ZNF503: variants seen among roughly 807,000 people sequenced by gnomAD.
ZNF503 encodes zinc finger protein 503, also known as NocA-like zinc finger 2.
In ZNF503, 15 loss-of-function variants were observed where a neutral mutation model predicts 34.4. That is an observed-to-expected ratio of 0.44 (90% CI 0.29 to 0.67). The LOEUF (loss-of-function observed/expected upper bound fraction) is 0.67. Ranked by LOEUF, ZNF503 falls within the 30% of genes least tolerant of loss-of-function variation. The probability of loss-of-function intolerance (pLI) is 0.13; values close to 1 mark genes in which losing one functional copy is unlikely to be tolerated. For synonymous variants in ZNF503, 580 were observed against 456.8 expected (o/e 1.27, Z -3.44); for missense variants, 1,007 against 926.8 (o/e 1.09, Z -1.12).
At chr10:75,283,308 T>G in the ZNF503 span, 5 of 152,374 alleles carry the variant, frequency 3.3e-5, no homozygotes, top group African/African-American at 1.2e-4. Flanking sequence ...GGCTCTGTCC[T>G]GCCTGGCCCC....
the ZNF503 span, among the ~76,000 whole-genome samples, chr10:75,293,035 A>T: frequency 1.3e-5 from 2 of 152,194 alleles, no homozygotes; most frequent in African/African-American, 2.4e-5. Context: ...GGTTGCAGGG[A>T]TAGGTGTTAA....
chr10:75,375,869 G>C, the ZNF503 span, among the ~76,000 whole-genome samples: 2 of 152,318 alleles, frequency 1.3e-5, no homozygotes, highest in African/African-American at 2.4e-5. Flanking sequence ...TTGGGAAACA[G>C]TGGCATAACC....
At chr10:75,295,892 A>G in the ZNF503 span, among the ~76,000 whole-genome samples, 1 of 152,134 alleles carries the variant, frequency 6.6e-6, no homozygotes, top group South Asian at 2.1e-4. This position sits in a 1 kb window ranked among gnomAD's most constrained non-coding sequence, Gnocchi z 4.0. Context: ...GGAGAGAGAG[A>G]GACAAAGTCA....
chr10:75,349,662 G>A, the ZNF503 span, among the ~76,000 whole-genome samples: 1 of 152,156 alleles, frequency 6.6e-6, no homozygotes, highest in Non-Finnish European at 1.5e-5. Flanking sequence ...CATTGCAGCC[G>A]ACTACTGTAG....
chr10:75,282,180 A>C, the ZNF503 span, among the ~76,000 whole-genome samples: 1 of 152,230 alleles, frequency 6.6e-6, no homozygotes, highest in African/African-American at 2.4e-5. Context: ...TAAACAAGTC[A>C]TGACAACTCA....
At chr10:75,332,837 T>C in the ZNF503 span, among the ~76,000 whole-genome samples, 1 of 144,442 alleles carries the variant, frequency 6.9e-6, no homozygotes, top group Non-Finnish European at 1.5e-5. Flanking sequence ...GAATTTTTCT[T>C]AGTGCAGAAC....
Position 75,398,502 on chromosome 10 carries a change from G to T in ZNF503, c.*247C>A. On this transcript the variant is annotated 3_prime_UTR_variant, in exon 2 of 2. Coordinates refer to ENST00000372524, the MANE Select transcript of ZNF503 (RefSeq NM_032772.6). ...TTTTTCCTTTTTTTTTCTATAAAAA[G>T]TCAAATGATATTTTTTCAACTTTTA... 2.6e-6 allele frequency: 1 copy of T among 386,134 alleles called. No individual in the cohort carries two copies. 23.9% of individuals were successfully genotyped at this position (386,134 alleles called of 1,614,324 possible).
the ZNF503 span, among the ~76,000 whole-genome samples, chr10:75,384,991 C>T: frequency 6.6e-6 from 1 of 152,204 alleles, no homozygotes; most frequent in Non-Finnish European, 1.5e-5. Context: ...ATGCTATCCT[C>T]CCAGTTCTCT....
the ZNF503 span, chr10:75,358,788 C>T: frequency 2.6e-5 from 4 of 152,180 alleles, no homozygotes; most frequent in African/African-American, 9.7e-5. Flanking sequence ...AGGATGACTC[C>T]AATGGCGCAT....
the ZNF503 span, among the ~76,000 whole-genome samples, chr10:75,320,373 C>T: frequency 2.5e-4 from 38 of 152,116 alleles, no homozygotes; most frequent in African/African-American, 8.7e-4. Flanking sequence ...TCCAGCTACT[C>T]AGGAGGCTGA....
chr10:75,395,757 G>T (rs151111010), downstream of ZNF503, among the ~76,000 whole-genome samples: 1 of 152,232 alleles, frequency 6.6e-6, no homozygotes, highest in African/African-American at 2.4e-5. This position sits in a 1 kb window ranked among gnomAD's most constrained non-coding sequence, Gnocchi z 4.4. Context: ...CCCCAGCGCC[G>T]GAACGCTGCT....
In ZNF503 at chr10:75,398,829, C is replaced by T; in HGVS notation, c.1861G>A (p.Ala621Thr). 1 of 1,498,728 alleles carries T rather than the reference C, an allele frequency of 6.7e-7. No individual in the cohort carries two copies. Among genetic ancestry groups the T allele is most frequent in the African/African-American group, 1.4e-5 (1 of 71,066 alleles). The allele number at this position is 1,498,728 out of a possible 1,614,324, so 92.8% of individuals were successfully genotyped here. A position where few individuals can be genotyped will look rare whatever the true frequency, so the allele number is the denominator to read the frequency against. The change falls in exon 2 of 2, where the codon GCC (alanine) becomes ACC (threonine). Residue 621 changes from alanine (A) to threonine (T), a missense_variant. Ala to Thr is a moderately conservative substitution (Grantham distance 58). Transcript: ENST00000372524. ...GGGGAGTAGTACGGTCCGGTGGCGG[C>T]GGGCACCGGCACGGGGGCGCCAGGC... ...PTPGAPVPVP[A>T]ATGPYYSPYA...
chr10:75,364,270 C>G, the ZNF503 span, among the ~76,000 whole-genome samples: 1 of 152,180 alleles, frequency 6.6e-6, no homozygotes, highest in African/African-American at 2.4e-5. Context: ...ATTCCAGCCT[C>G]AACATCTCTA....
Position 75,399,074 on chromosome 10 carries a change from A to G in ZNF503, c.1616T>C (p.Leu539Ser). The G allele has an allele frequency of 6.2e-7, 1 of 1,613,604 alleles. No homozygotes were observed. The highest frequency in any genetic ancestry group is 1.7e-5 in the Admixed American group (1 of 60,012). ...FATSEELLSH[L>S]RTHTAFPGTD... ...CCCGGGAAATGCCGTATGGGTCCGC[A>G]AGTGGCTCAGCAGCTCTTCGGACGT... Residue 539 changes from leucine (L) to serine (S), a missense_variant, in exon 2 of 2, where the codon TTG (leucine) becomes TCG (serine). Transcript: ENST00000372524.
At chr10:75,346,886 C>T in the ZNF503 span, among the ~76,000 whole-genome samples, 2 of 151,958 alleles carry the variant, frequency 1.3e-5, no homozygotes, top group Non-Finnish European at 2.9e-5. Context: ...AAGCGATCCT[C>T]CTGCCTCAGC....
chr10:75,307,743 G>A, the ZNF503 span, among the ~76,000 whole-genome samples: 1 of 152,190 alleles, frequency 6.6e-6, no homozygotes, highest in Non-Finnish European at 1.5e-5. Context: ...TTAAATTGAA[G>A]CCAATATTCA....
At chr10:75,285,724 A>G in the ZNF503 span, among the ~76,000 whole-genome samples, 1 of 152,234 alleles carries the variant, frequency 6.6e-6, no homozygotes, top group Admixed American at 6.5e-5. Context: ...ATTTTCCTGA[A>G]GAGCTGGTCA....
the ZNF503 span, chr10:75,338,191 C>T: frequency 6.6e-6 from 1 of 152,210 alleles, no homozygotes; most frequent in Non-Finnish European, 1.5e-5. Context: ...TTACCTTCTA[C>T]TTATGGCAAA....
At chr10:75,302,043 G>A in the ZNF503 span, among the ~76,000 whole-genome samples, 1 of 152,076 alleles carries the variant, frequency 6.6e-6, no homozygotes, top group Non-Finnish European at 1.5e-5. Context: ...TTTCTTGTAA[G>A]GCAGACATGC....
Sources: allele counts gnomAD v4.1 joint callset (sites outside exome capture counted in the v4.1 genomes callset), GRCh38; gene constraint gnomAD v4.1.1; non-coding constraint Gnocchi (gnomAD v3.1); transcripts MANE v1.5; gene names NCBI Gene and HGNC (gene_info 2026-07-23, HGNC 2026-07-21).